The following GRIP1 variants were observed in gnomAD, a reference collection of about 807,000 sequenced individuals.
GRIP1 encodes glutamate receptor interacting protein 1.
In GRIP1, 45 loss-of-function variants were observed where a neutral mutation model predicts 129.9. The observed-to-expected ratio is 0.35, with a 90% CI of 0.27 to 0.44. The LOEUF is 0.44. Ranked by LOEUF, GRIP1 falls within the 20% of genes least tolerant of loss-of-function variation. The pLI, the probability that GRIP1 is intolerant of heterozygous loss-of-function variation, is 1.00. For missense variants in GRIP1, 1,196 were observed against 1,396.8 expected, an observed-to-expected ratio of 0.86 and a Z score of 2.29; for synonymous variants, 530 against 520.8, an observed-to-expected ratio of 1.02 and a Z score of -0.24.
At chr12:66,846,293 A>G (rs76403957) in intron 1 of GRIP1, among the ~76,000 whole-genome samples, 157 of 152,320 alleles carry the variant, frequency 1.0e-3, no homozygotes, top group African/African-American at 3.4e-3. Flanking sequence ...TAATGTCAAC[A>G]TGCTCCGAAT....
rs55634666 is a variant in GRIP1, at chr12:66,633,035, C to T, written c.56-36108G>A. Among the ~76,000 whole-genome samples the T allele has an allele frequency of 5.9e-5, 9 of 151,582 alleles. No homozygotes were observed. The East Asian group carries it at 7.8e-4, about 13-fold the overall frequency. ...TCTGTAACTTTTTTATTTTTTTGAG[C>T]AGGGTCTCTCACTGTTGCCAAGGCT... On this transcript the variant is annotated intron_variant, in intron 1 of 24. Transcript: ENST00000359742.
At chr12:66,694,684 A>T (rs886135374) in intron 1 of GRIP1, among the ~76,000 whole-genome samples, 11 of 152,306 alleles carry the variant, frequency 7.2e-5, no homozygotes, top group African/African-American at 2.6e-4. Flanking sequence ...GGTGATATTA[A>T]CTTATTATTT....
At chr12:66,995,335 A>T (rs974333053) in intron 1 of GRIP1, among the ~76,000 whole-genome samples, 4 of 152,148 alleles carry the variant, frequency 2.6e-5, no homozygotes, top group Non-Finnish European at 5.9e-5. Context: ...GACAAAAGAA[A>T]CAACAAATAA....
At chr12:66,749,811 C>T (rs1341473602) in intron 1 of GRIP1, among the ~76,000 whole-genome samples, 1 of 152,082 alleles carries the variant, frequency 6.6e-6, no homozygotes, top group Non-Finnish European at 1.5e-5. Flanking sequence ...GAAAATTCCC[C>T]GGAGATGTCA....
At chr12:66,849,879 G>C (rs1162668471) in intron 1 of GRIP1, among the ~76,000 whole-genome samples, 1 of 152,146 alleles carries the variant, frequency 6.6e-6, no homozygotes, top group Non-Finnish European at 1.5e-5. Flanking sequence ...TTCTAGTGGA[G>C]AAAGCACATG....
At position 66,493,018 on chromosome 12, in the gene GRIP1, C is replaced by CAAACAAACAAACA. The variant is rs869172415; in HGVS notation, c.724+22600_724+22601insTGTTTGTTTGTTT. 3.3e-5 allele frequency among the ~76,000 whole-genome samples: 5 copies of CAAACAAACAAACA among 151,856 alleles called. No individual in the cohort carries two copies. The East Asian group carries it at 9.6e-4, about 29-fold the overall frequency. On this transcript the variant is annotated intron_variant, in intron 7 of 24. Coordinates refer to ENST00000359742, the MANE Select transcript of GRIP1 (RefSeq NM_001366722.1). ...GAGACTCTGTCTCAAAACAAACAAA[C>CAAACAAACAAACA]AAACAAAAAATTAGGTGGGCTAGAA... is the stretch of plus-strand genomic sequence containing the variant.
chr12:66,690,066 A>G (rs1353239396), intron 1 of GRIP1, among the ~76,000 whole-genome samples: 1 of 151,896 alleles, frequency 6.6e-6, no homozygotes, highest in East Asian at 1.9e-4. Flanking sequence ...CCACAGGCAA[A>G]TGCCATCACA....
At chr12:66,577,921 T>C (rs559737820) in intron 2 of GRIP1, among the ~76,000 whole-genome samples, 2 of 152,300 alleles carry the variant, frequency 1.3e-5, no homozygotes, top group African/African-American at 4.8e-5. Flanking sequence ...GCCACTGCAC[T>C]CCAGCCTGGC....
At chr12:66,885,393 C>T (rs550205464) in intron 1 of GRIP1, among the ~76,000 whole-genome samples, 5 of 152,254 alleles carry the variant, frequency 3.3e-5, no homozygotes, top group Admixed American at 6.5e-5. Context: ...TGAGGGCTGC[C>T]GGCCAATGTG....
At chr12:66,946,810 G>C (rs895863463) in intron 1 of GRIP1, among the ~76,000 whole-genome samples, 5 of 132,394 alleles carry the variant, frequency 3.8e-5, no homozygotes, top group Non-Finnish European at 8.1e-5. Context: ...GGCTGGGGGG[G>C]GCGGCATGGA....
chr12:66,698,022 A>G (rs532265074), intron 1 of GRIP1, among the ~76,000 whole-genome samples: 15 of 152,326 alleles, frequency 9.8e-5, no homozygotes, highest in African/African-American at 3.6e-4. Context: ...ACAGAAAAGA[A>G]TTACGGTTAC....
intron 1 of GRIP1, among the ~76,000 whole-genome samples, chr12:67,021,768 A>G (rs2042870492): frequency 6.6e-6 from 1 of 152,102 alleles, no homozygotes. Context: ...CCTAGCTGTT[A>G]TTTTATATCC....
At chr12:66,620,948 G>T (rs1480172133) in intron 1 of GRIP1, among the ~76,000 whole-genome samples, 1 of 152,084 alleles carries the variant, frequency 6.6e-6, no homozygotes, top group East Asian at 1.9e-4. Flanking sequence ...ATTCACTCAG[G>T]TTTAGACTCT....
intron 1 of GRIP1, among the ~76,000 whole-genome samples, chr12:66,654,144 A>G (rs1470970135): frequency 2.0e-5 from 3 of 152,226 alleles, no homozygotes; most frequent in African/African-American, 7.2e-5. Context: ...AACTTTTTCA[A>G]CATAGGAATA....
chr12:66,387,887 A>G (rs2056421581), intron 19 of GRIP1, among the ~76,000 whole-genome samples: 2 of 152,350 alleles, frequency 1.3e-5, no homozygotes, highest in South Asian at 4.1e-4. Flanking sequence ...ATGACATTAA[A>G]TAAAGTTGGA....
At position 66,678,887 on chromosome 12, in the gene GRIP1, A is replaced by G. The variant is rs1490858597; in HGVS notation, c.18T>C (p.Phe6=). 6.2e-7 allele frequency: 1 copy of G among 1,613,476 alleles called. No individual in the cohort carries two copies. The highest frequency in any genetic ancestry group is 1.7e-4 in the Middle Eastern group (1 of 6,058). MIAVS[F]KCRCQILRRL... ...GCCTCAGAATTTGACAACGGCATTT[A>G]AAAGAGACAGCTATCATTCTTGCTC... The change falls in exon 1 of 25, where the codon TTT becomes TTC. Residue 6 remains phenylalanine, a synonymous_variant. Transcript: ENST00000359742.
intron 1 of GRIP1, among the ~76,000 whole-genome samples, chr12:66,654,801 T>A (rs1156988640): frequency 6.6e-6 from 1 of 152,048 alleles, no homozygotes; most frequent in Admixed American, 6.5e-5. Context: ...AAAGGTAGAA[T>A]TCATAAGGAA....
intron 1 of GRIP1, among the ~76,000 whole-genome samples, chr12:66,827,415 A>AGAGAGAGAGAGAGC (rs1375461122): frequency 1.3e-5 from 2 of 150,270 alleles, no homozygotes; most frequent in East Asian, 1.9e-4. Context: ...AGAGAGAGAG[A>AGAGAGAGAGAGAGC]GCGCACAAGA....
chr12:66,487,608 T>C (rs546589710), intron 7 of GRIP1, among the ~76,000 whole-genome samples: 1 of 152,272 alleles, frequency 6.6e-6, no homozygotes, highest in South Asian at 2.1e-4. Flanking sequence ...AGCATCATGA[T>C]GACAGGATCA....
Sources: allele counts gnomAD v4.1 joint callset (sites outside exome capture counted in the v4.1 genomes callset), GRCh38; gene constraint gnomAD v4.1.1; transcripts MANE v1.5; gene names NCBI Gene and HGNC (gene_info 2026-07-23, HGNC 2026-07-21).